The following CSMD1 variants were observed in gnomAD, a reference collection of about 807,000 sequenced individuals.
The protein encoded by CSMD1 is CUB and Sushi multiple domains 1, also known as CUB and sushi domain-containing protein 1.
CSMD1 carries 213 observed loss-of-function variants against 417.5 expected under a neutral mutation model. That is an observed-to-expected ratio of 0.51 (90% CI 0.46 to 0.57). The LOEUF is 0.57. Among genes scored for constraint, CSMD1 ranks in the 20% least tolerant of loss-of-function variants. CSMD1 has a pLI of 0.00. For missense variants in CSMD1, 6,923 were observed against 4,529.7 expected (o/e 1.53, Z -15.17); for synonymous variants, 2,862 against 1,736.8 (o/e 1.65, Z -16.11).
intron 7 of CSMD1, among the ~76,000 whole-genome samples, chr8:3,659,489 T>C (rs2117441152): frequency 6.6e-6 from 1 of 152,310 alleles, no homozygotes; most frequent in Non-Finnish European, 1.5e-5. Context: ...TGCGTTTCAC[T>C]TAGCCAAGGT....
chr8:3,672,547 G>A (rs191800815), intron 7 of CSMD1, among the ~76,000 whole-genome samples: 37 of 152,340 alleles, frequency 2.4e-4, no homozygotes, highest in Non-Finnish European at 4.3e-4. Flanking sequence ...TATTAAAACA[G>A]AGGTAATAAT....
At chr8:4,339,039 C>A (rs542592364) in intron 3 of CSMD1, among the ~76,000 whole-genome samples, 2 of 152,040 alleles carry the variant, frequency 1.3e-5, no homozygotes, top group African/African-American at 4.8e-5. Flanking sequence ...TGCTGTAGAG[C>A]CTCAAATCTA....
At chr8:3,430,996 A>T (rs1473771166) in intron 12 of CSMD1, among the ~76,000 whole-genome samples, 1 of 152,098 alleles carries the variant, frequency 6.6e-6, no homozygotes, top group African/African-American at 2.4e-5. Flanking sequence ...GAGCCCTTAA[A>T]TCTCTCTTCT....
chr8:4,209,327 T>C (rs1306673484), intron 3 of CSMD1, among the ~76,000 whole-genome samples: 3 of 152,168 alleles, frequency 2.0e-5, no homozygotes, highest in African/African-American at 7.2e-5. Flanking sequence ...ACATCTTCCC[T>C]CAAACTCACA....
rs537506377 is a variant in CSMD1 at position 4,219,638 on chromosome 8, T to C, written c.416-187539A>G. On this transcript the variant is annotated intron_variant, in intron 3 of 69. Transcript: ENST00000635120. ...AACACTATATCACTTTAAGCAAATC[T>C]TTGTTCACTAATGAAGAGTGAGATC... Among the ~76,000 whole-genome samples, 7 of 152,326 alleles carry C rather than the reference T, an allele frequency of 4.6e-5. No homozygotes were observed. The South Asian group carries it at 1.5e-3, about 32-fold the overall frequency.
At chr8:4,645,060 T>G (rs1296320095) in intron 1 of CSMD1, among the ~76,000 whole-genome samples, 1 of 152,196 alleles carries the variant, frequency 6.6e-6, no homozygotes, top group Non-Finnish European at 1.5e-5. Context: ...GATATTTTAA[T>G]TCCAAAAGCA....
chr8:3,984,044 C>A (rs934156969), intron 5 of CSMD1, among the ~76,000 whole-genome samples: 1 of 65,832 alleles, frequency 1.5e-5, no homozygotes, highest in Non-Finnish European at 3.4e-5. Flanking sequence ...CACGGCAGAT[C>A]TGATGGGGCT....
At chr8:4,892,733 TTC>T (rs1396196272) in intron 1 of CSMD1, among the ~76,000 whole-genome samples, 1 of 152,080 alleles carries the variant, frequency 6.6e-6, no homozygotes, top group East Asian at 1.9e-4. Flanking sequence ...CACTTTTGCT[TTC>T]TGATTTGCAT....
intron 1 of CSMD1, among the ~76,000 whole-genome samples, chr8:4,695,319 T>A (rs75109902): frequency 0.093 from 14,120 of 152,116 alleles, 828 homozygotes; most frequent in Middle Eastern, 0.2. Context: ...GGCATTGAAA[T>A]AACTTCATTC....
intron 1 of CSMD1, among the ~76,000 whole-genome samples, chr8:4,642,561 G>T (rs1197006886): frequency 6.6e-6 from 1 of 152,042 alleles, no homozygotes; most frequent in Non-Finnish European, 1.5e-5. Context: ...CGCCTTCCTA[G>T]ATTCTACACC....
rs1359177128 is a variant in CSMD1 at position 4,656,201 on chromosome 8, C to T, written c.86-18643G>A. On this transcript the variant is annotated intron_variant, in intron 1 of 69. Coordinates refer to ENST00000635120, the MANE Select transcript of CSMD1 (RefSeq NM_033225.6). Reference sequence around the variant, plus strand: ...TAAGAACACTGAGGAAGGACTATTCCAGGAAGGGAATATGGCTGTGGAAAA... The same window carrying T: ...TAAGAACACTGAGGAAGGACTATTCTAGGAAGGGAATATGGCTGTGGAAAA... 2.6e-5 allele frequency among the ~76,000 whole-genome samples: 4 copies of T among 152,006 alleles called. No individual in the cohort carries two copies. The South Asian group carries it at 6.2e-4, about 24-fold the overall frequency.
chr8:4,034,119 T>C (rs1797496503), intron 3 of CSMD1, among the ~76,000 whole-genome samples: 1 of 152,230 alleles, frequency 6.6e-6, no homozygotes, highest in African/African-American at 2.4e-5. Context: ...TGTAGAATAA[T>C]ATTTTCTGTT....
intron 12 of CSMD1, among the ~76,000 whole-genome samples, chr8:3,462,100 G>C (rs926479898): frequency 1.4e-5 from 2 of 145,564 alleles, no homozygotes; most frequent in African/African-American, 5.2e-5. Context: ...GGCACCATTT[G>C]GGTGCTCTCT....
At chr8:4,137,122 A>G (rs1421990545) in intron 3 of CSMD1, among the ~76,000 whole-genome samples, 2 of 152,222 alleles carry the variant, frequency 1.3e-5, no homozygotes, top group African/African-American at 4.8e-5. Context: ...AATGTGGAAC[A>G]GAGAATAAGC....
In CSMD1 at chr8:4,371,192, G is replaced by A. The variant is rs115625646; in HGVS notation, c.415+48761C>T. On this transcript the variant is annotated intron_variant, in intron 3 of 69. Coordinates refer to ENST00000635120, the MANE Select transcript of CSMD1 (RefSeq NM_033225.6). ...ATTTCTGGATACTTTAGGGGTCAAG[G>A]CTCAGCTCCACACTGCTGGGCTACA... Among the ~76,000 whole-genome samples the A allele has an allele frequency of 4.8e-3, 730 of 152,170 alleles. 7 individuals are homozygous for A. Among genetic ancestry groups the A allele is most frequent in the African/African-American group, 0.016 (670 of 41,526 alleles).
chr8:3,109,495 C>T (rs1816362413), intron 43 of CSMD1, among the ~76,000 whole-genome samples: 1 of 152,176 alleles, frequency 6.6e-6, no homozygotes, highest in African/African-American at 2.4e-5. Flanking sequence ...TTTACTTCCA[C>T]AACCTCAAAG....
rs149319822 is a variant in CSMD1 at position 4,572,761 on chromosome 8, T to C, written c.302+64581A>G. Among the ~76,000 whole-genome samples, 189 of 152,294 alleles carry C rather than the reference T, an allele frequency of 1.2e-3. 1 individual carries two copies. Among genetic ancestry groups the C allele is most frequent in the African/African-American group, 4.5e-3 (186 of 41,564 alleles). Reference sequence around the variant, plus strand: ...CGTCACTTTCAGGTCCATCAATCAATCATAGATTTGGTATTTTCACACAGT... The same window carrying C: ...CGTCACTTTCAGGTCCATCAATCAACCATAGATTTGGTATTTTCACACAGT... On this transcript the variant is annotated intron_variant, in intron 2 of 69. Transcript: ENST00000635120.
At chr8:3,505,595 A>G (rs771438272) in intron 10 of CSMD1, among the ~76,000 whole-genome samples, 1 of 152,220 alleles carries the variant, frequency 6.6e-6, no homozygotes, top group Non-Finnish European at 1.5e-5. Context: ...AATTCTGTAC[A>G]CAAACCCAGA....
chr8:3,102,699 G>A (rs1270092600), intron 46 of CSMD1, among the ~76,000 whole-genome samples: 1 of 152,102 alleles, frequency 6.6e-6, no homozygotes, highest in Non-Finnish European at 1.5e-5. Context: ...CTAACGGAGT[G>A]TTTCAGTTAC....
Sources: gnomAD v4.1 joint callset for allele counts (sites outside exome capture counted in the v4.1 genomes callset) on GRCh38, gnomAD v4.1.1 for gene constraint, MANE v1.5 for transcripts, NCBI Gene and HGNC (gene_info 2026-07-23, HGNC 2026-07-21) for gene names.